LARP1: variants seen among roughly 807,000 people sequenced by gnomAD.
LARP1 encodes La ribonucleoprotein 1, translational regulator.
Under a neutral mutation model 122.7 loss-of-function variants are expected in LARP1, and 36 were observed. The observed-to-expected ratio is 0.29, with a 90% CI of 0.22 to 0.39. The LOEUF is 0.39. LARP1 is among the 10% of genes least tolerant of loss of function. LARP1 has a pLI of 1.00. For synonymous variants in LARP1, 539 were observed against 528.7 expected (o/e 1.02, Z -0.27); for missense variants, 1,040 against 1,403.6 (o/e 0.74, Z 4.14).
intron 8 of LARP1, among the ~76,000 whole-genome samples, chr5:154,797,221 G>GTTTTTTTTTTTTTTT (rs1158010359): frequency 3.4e-4 from 10 of 29,782 alleles, no homozygotes; most frequent in East Asian, 1.2e-3. Flanking sequence ...TGTTGTTGTT[G>GTTTTTTTTTTTTTTT]TTTTTTTTTT....
At position 154,770,063 on chromosome 5, in the gene LARP1, A is replaced by G. The variant is rs566767190; in HGVS notation, c.436+13870A>G. The stretch of plus-strand genomic sequence containing the variant: ...TGTTCTGAAAGCATTGGAAGAGGTG[A>G]TATCACCTGATTTCTGCTTTAGGAT... On this transcript the variant is annotated intron_variant, in intron 1 of 18. Transcript: ENST00000518297. 8.5e-5 allele frequency among the ~76,000 whole-genome samples: 13 copies of G among 152,152 alleles called. No homozygotes were observed. In the South Asian group the frequency reaches 2.3e-3, roughly 27 times the overall value.
At chr5:154,741,989 C>A (rs950889014) in intron 1 of LARP1, among the ~76,000 whole-genome samples, 1 of 152,108 alleles carries the variant, frequency 6.6e-6, no homozygotes, top group Non-Finnish European at 1.5e-5. Context: ...GGTAATTAGG[C>A]CATTCATGTT....
chr5:154,766,735 T>C (rs549902580), intron 1 of LARP1, among the ~76,000 whole-genome samples: 1 of 152,328 alleles, frequency 6.6e-6, no homozygotes, highest in African/African-American at 2.4e-5. Context: ...ACAGCTATGC[T>C]GAGAACAGTG....
chr5:154,774,539 T>A (rs1325356082), intron 1 of LARP1, among the ~76,000 whole-genome samples: 1 of 152,234 alleles, frequency 6.6e-6, no homozygotes, highest in African/African-American at 2.4e-5. Context: ...TCTAGTCTTA[T>A]TACTCAAACC....
intron 1 of LARP1, among the ~76,000 whole-genome samples, chr5:154,768,747 A>G (rs921531029): frequency 2.0e-5 from 3 of 151,894 alleles, no homozygotes; most frequent in Non-Finnish European, 4.4e-5. Flanking sequence ...ATGCCCGGCT[A>G]ATTTTTGTAT....
intron 1 of LARP1, among the ~76,000 whole-genome samples, chr5:154,714,423 G>A (rs1033399369): frequency 6.6e-6 from 1 of 152,166 alleles, no homozygotes; most frequent in African/African-American, 2.4e-5. Flanking sequence ...AAAGAAAGGG[G>A]AAATAGCTCA....
chr5:154,755,692 GC>G lies in LARP1; in HGVS notation c.-64del. The G allele has an allele frequency of 1.9e-5, 19 of 987,996 alleles. No individual in the cohort carries two copies. The highest frequency in any genetic ancestry group is 2.3e-5 in the Non-Finnish European group (19 of 830,468). The allele number at this position is 987,996 out of a possible 1,614,324, so 61.2% of individuals were successfully genotyped here. A position where few individuals can be genotyped will look rare whatever the true frequency, so the allele number is the denominator to read the frequency against. On this transcript the variant is annotated 5_prime_UTR_variant, in exon 1 of 19. Transcript: ENST00000518297. ...GGAAGGCGTCGCGGGCGCTCTGCTA[GC>G]CAAGTTCGAGGCGGGGGAGGCAGCC...
At chr5:154,762,295 GT>G (rs796666766) in intron 1 of LARP1, among the ~76,000 whole-genome samples, 6 of 148,352 alleles carry the variant, frequency 4.0e-5, no homozygotes, top group Admixed American at 2.7e-4. Context: ...TAAGATGTAA[GT>G]TTTTTTTTTT....
chr5:154,815,421 C>T lies in LARP1; in HGVS notation c.*1325C>T, dbSNP rs1759600600. 6.6e-6 allele frequency: 1 copy of T among 152,380 alleles called. No individual in the cohort carries two copies. Among genetic ancestry groups the T allele is most frequent in the East Asian group, 1.9e-4 (1 of 5,202 alleles). 9.4% of individuals were successfully genotyped at this position (152,380 alleles called of 1,614,324 possible). A position where few individuals can be genotyped will look rare whatever the true frequency, so the allele number is the denominator to read the frequency against. ...TGGAACACACTTGTCCTCAGCTTAC[C>T]ATCTCCTCACACCCCAGAGTGGAAA... On this transcript the variant is annotated 3_prime_UTR_variant, in exon 19 of 19. Coordinates refer to ENST00000518297, the MANE Select transcript of LARP1 (RefSeq NM_033551.3).
At chr5:154,787,349 A>G (rs552054369) in intron 1 of LARP1, among the ~76,000 whole-genome samples, 126 of 152,304 alleles carry the variant, frequency 8.3e-4, no homozygotes, top group Non-Finnish European at 1.1e-3. Flanking sequence ...ATTGGTTTGC[A>G]TTGGCGGCCA....
chr5:154,751,068 A>G (rs1266867864), upstream of LARP1, among the ~76,000 whole-genome samples: 1 of 151,872 alleles, frequency 6.6e-6, no homozygotes, highest in African/African-American at 2.4e-5. Context: ...CTCTAATTAG[A>G]GTTTACCCTT....
chr5:154,735,577 A>ATTTATTTATTTT (rs1454892129), intron 1 of LARP1, among the ~76,000 whole-genome samples: 1 of 148,406 alleles, frequency 6.7e-6, no homozygotes, highest in African/African-American at 2.5e-5. Flanking sequence ...TTATTTATTT[A>ATTTATTTATTTT]TTTTTTCTGA....
intron 1 of LARP1, among the ~76,000 whole-genome samples, chr5:154,723,039 G>A (rs1042085566): frequency 5.3e-5 from 8 of 152,208 alleles, no homozygotes; most frequent in African/African-American, 1.9e-4. Context: ...CCAGAGAAGG[G>A]AAGTGACTTG....
upstream of LARP1, among the ~76,000 whole-genome samples, chr5:154,750,998 CT>C (rs1364686613): frequency 1.3e-5 from 2 of 152,096 alleles, no homozygotes; most frequent in Non-Finnish European, 2.9e-5. Context: ...TATTTTGTCT[CT>C]TTTTTTGGCC....
rs747795396 is a variant in LARP1, at chr5:154,756,186, C to T, written c.429C>T (p.Ser143=). ...PPVLTTVNGQ[S]PPEHSAPAKV... ...TCCTGACCACCGTGAACGGACAGTC[C>T]CCCCCAGGTGGGTCTCCCTCCTTGC... Residue 143 remains serine, a synonymous_variant, in exon 1 of 19, where the codon TCC becomes TCT. Transcript: ENST00000518297. The T allele has an allele frequency of 3.8e-6, 5 of 1,300,492 alleles. No individual in the cohort carries two copies. Among genetic ancestry groups the T allele is most frequent in the African/African-American group, 3.2e-5 (2 of 62,882 alleles). 80.6% of individuals were successfully genotyped at this position (1,300,492 alleles called of 1,614,324 possible).
intron 3 of LARP1, among the ~76,000 whole-genome samples, chr5:154,792,199 T>C (rs2113776359): frequency 6.6e-6 from 1 of 152,346 alleles, no homozygotes; most frequent in African/African-American, 2.4e-5. Flanking sequence ...CCCAGCACTT[T>C]TGTTCTGGCC....
intron 1 of LARP1, among the ~76,000 whole-genome samples, chr5:154,683,498 C>A (rs1010531550): frequency 6.6e-6 from 1 of 152,146 alleles, no homozygotes; most frequent in Non-Finnish European, 1.5e-5. Context: ...GTGGGGATAC[C>A]TTTGTGTAGT....
intron 1 of LARP1, among the ~76,000 whole-genome samples, chr5:154,788,395 G>T (rs771255178): frequency 6.6e-6 from 1 of 152,152 alleles, no homozygotes; most frequent in South Asian, 2.1e-4. Flanking sequence ...GCTCCGGTAG[G>T]GGGTGGAAGC....
intron 1 of LARP1, among the ~76,000 whole-genome samples, chr5:154,728,312 G>A (rs550667729): frequency 2.1e-4 from 32 of 152,162 alleles, no homozygotes; most frequent in African/African-American, 7.7e-4. Flanking sequence ...TCCCATTCGT[G>A]TACCCACACT....
Sources: gnomAD v4.1 joint callset for allele counts (sites outside exome capture counted in the v4.1 genomes callset) on GRCh38, gnomAD v4.1.1 for gene constraint, MANE v1.5 for transcripts, NCBI Gene and HGNC (gene_info 2026-07-23, HGNC 2026-07-21) for gene names.